Variants in RC3H1 observed in about 807,000 individuals in gnomAD.
RC3H1 encodes ring finger and CCCH-type domains 1.
RC3H1 carries 50 observed loss-of-function variants against 138.2 expected under a neutral mutation model. That is an observed-to-expected ratio of 0.36 (90% CI 0.29 to 0.46). The LOEUF is 0.46. RC3H1 is among the 20% of genes least tolerant of loss of function. The probability of loss-of-function intolerance (pLI) is 1.00; values close to 1 mark genes in which losing one functional copy is unlikely to be tolerated. For synonymous variants in RC3H1, 462 were observed against 489.1 expected (o/e 0.94, Z 0.73); for missense variants, 1,031 against 1,388.1 (o/e 0.74, Z 4.09).
chr1:174,017,448 A>G (rs1045286571), intron 1 of RC3H1, among the ~76,000 whole-genome samples: 13 of 152,170 alleles, frequency 8.5e-5, no homozygotes, highest in African/African-American at 3.1e-4. Context: ...TTTTATTCCT[A>G]ACAATCACAT....
intron 9 of RC3H1, among the ~76,000 whole-genome samples, chr1:173,968,408 A>G (rs897495950): frequency 2.0e-5 from 3 of 152,186 alleles, no homozygotes; most frequent in African/African-American, 7.2e-5. Flanking sequence ...TATTTACTCA[A>G]TATTTCTCTT....
intron 7 of RC3H1, among the ~76,000 whole-genome samples, chr1:173,976,722 C>T (rs2102990290): frequency 6.6e-6 from 1 of 152,084 alleles, no homozygotes; most frequent in East Asian, 1.9e-4. Context: ...GGACAGCAGT[C>T]AGGGAAAAAA....
chr1:174,016,329 T>G (rs181375656), intron 1 of RC3H1: 1 of 152,022 alleles, frequency 6.6e-6, no homozygotes, highest in Admixed American at 6.5e-5. Context: ...AAAGTTGACA[T>G]TTTCCTGAAA....
chr1:173,975,250 C>T (rs542385933), intron 7 of RC3H1, among the ~76,000 whole-genome samples: 55 of 152,192 alleles, frequency 3.6e-4, no homozygotes, highest in African/African-American at 1.2e-3. Context: ...TGCCTGCCAC[C>T]ACGCCCAGCT....
At chr1:173,945,852 T>G (rs1468875312) in intron 17 of RC3H1, among the ~76,000 whole-genome samples, 1 of 151,740 alleles carries the variant, frequency 6.6e-6, no homozygotes, top group African/African-American at 2.4e-5. Flanking sequence ...GGATTACAGG[T>G]GCACACCACC....
chr1:173,939,161 T>C (rs1041684895), intron 19 of RC3H1, among the ~76,000 whole-genome samples: 6 of 152,114 alleles, frequency 3.9e-5, no homozygotes, highest in South Asian at 2.1e-4. Context: ...GAGTTGAGAA[T>C]TGCGACAAAA....
At chr1:174,015,451 C>T (rs1024742110) in intron 1 of RC3H1, among the ~76,000 whole-genome samples, 3 of 151,740 alleles carry the variant, frequency 2.0e-5, no homozygotes, top group African/African-American at 4.8e-5. Context: ...CAACCTCCTC[C>T]GCCTCCTGGG....
At chr1:174,014,073 T>A (rs1210531835) in intron 1 of RC3H1, among the ~76,000 whole-genome samples, 2 of 152,082 alleles carry the variant, frequency 1.3e-5, no homozygotes, top group African/African-American at 4.8e-5. Context: ...GAGGCAGAGA[T>A]GAGTAAGTGG....
At position 173,946,475 on chromosome 1, in the gene RC3H1, C is replaced by T. The variant is rs1319201750; in HGVS notation, c.2961+1G>A. ...AATAAAATGGCTCTCTAGGCTGGTA[C>T]CTCTAGTCCACGTAGCTGGGTCTGC... On this transcript the variant is annotated splice_donor_variant, in intron 17 of 19. Transcript: ENST00000367696. LOFTEE classifies it high-confidence loss of function. 6.2e-7 allele frequency: 1 copy of T among 1,613,088 alleles called. No homozygotes were observed. The highest frequency in any genetic ancestry group is 8.5e-7 in the Non-Finnish European group (1 of 1,179,726).
Position 173,934,529 on chromosome 1 carries a change from G to A in RC3H1, c.*4192C>T, listed in dbSNP as rs1389497021. 6.6e-6 allele frequency: 1 copy of A among 152,114 alleles called. No homozygotes were observed. Among genetic ancestry groups the A allele is most frequent in the Non-Finnish European group, 1.5e-5 (1 of 68,026 alleles). The allele number at this position is 152,114 out of a possible 1,614,324, so 9.4% of individuals were successfully genotyped here. ...ACTAAAAGGTTTCATGATCAAAATG[G>A]CTACTACTTCCCCCAAAACCAAAAC... On this transcript the variant is annotated 3_prime_UTR_variant, in exon 20 of 20. Coordinates refer to ENST00000367696, the MANE Select transcript of RC3H1 (RefSeq NM_172071.4).
At chr1:173,956,929 G>T (rs1192516814) in intron 13 of RC3H1, among the ~76,000 whole-genome samples, 2 of 151,584 alleles carry the variant, frequency 1.3e-5, no homozygotes, top group Non-Finnish European at 2.9e-5. Flanking sequence ...TTAAATTTTT[G>T]TTGAGAACGA....
At position 173,961,159 on chromosome 1, in the gene RC3H1, G is replaced by A; in HGVS notation, c.2288C>T (p.Ala763Val). 6.2e-7 allele frequency: 1 copy of A among 1,613,810 alleles called. No individual in the cohort carries two copies. The highest frequency in any genetic ancestry group is 8.5e-7 in the Non-Finnish European group (1 of 1,179,874). ...GATAACCTTTCTTTCCTCTAGCTGG[G>A]CCATTATTTCCTTTCGTCGGCGATG... is the stretch of plus-strand genomic sequence containing the variant. ...ELHRRRKEIM[A>V]QLEERKVISP... is the part of the protein sequence containing the mutation. Residue 763 changes from alanine to valine, a missense_variant, in exon 13 of 20, where the codon GCC (alanine) becomes GTC (valine). By Grantham distance (64) the Ala-to-Val change is moderately conservative. Coordinates refer to ENST00000367696, the MANE Select transcript of RC3H1 (RefSeq NM_172071.4).
At position 173,936,730 on chromosome 1, in the gene RC3H1, CATATATATATAT is replaced by C. The variant is rs1210669077; in HGVS notation, c.*1979_*1990del. 7.1e-4 allele frequency: 33 copies of C among 46,788 alleles called. No individual in the cohort carries two copies. Among genetic ancestry groups the C allele is most frequent in the African/African-American group, 2.4e-3 (25 of 10,304 alleles). The allele number at this position is 46,788 out of a possible 1,614,324, so 2.9% of individuals were successfully genotyped here. A position where few individuals can be genotyped will look rare whatever the true frequency, so the allele number is the denominator to read the frequency against. The stretch of plus-strand genomic sequence containing the variant: ...AGCCAAAAAAAAAAGAAAAAGCATA[CATATATATATAT>C]ATATATATATATATATATATTTTTT... On this transcript the variant is annotated 3_prime_UTR_variant, in exon 20 of 20. Coordinates refer to ENST00000367696, the MANE Select transcript of RC3H1 (RefSeq NM_172071.4).
At chr1:173,966,186 C>A (rs908411923) in intron 9 of RC3H1, among the ~76,000 whole-genome samples, 2 of 152,070 alleles carry the variant, frequency 1.3e-5, no homozygotes, top group South Asian at 4.1e-4. Flanking sequence ...ATTAGAACTG[C>A]TTCAGAGATG....
rs564556533 is a variant in RC3H1, at chr1:173,961,318, A to G, written c.2203-74T>C. 3.7e-6 allele frequency: 5 copies of G among 1,355,250 alleles called. No individual in the cohort carries two copies. In the East Asian group the frequency reaches 9.3e-5, roughly 25 times the overall value. 84.0% of individuals were successfully genotyped at this position (1,355,250 alleles called of 1,614,324 possible). A position where few individuals can be genotyped will look rare whatever the true frequency, so the allele number is the denominator to read the frequency against. ...TTAATTCATTTAATATACTCAGCGT[A>G]TATTTTAAGTTATGAAACAGCTTGT... is the stretch of plus-strand genomic sequence containing the variant. On this transcript the variant is annotated intron_variant, in intron 12 of 19. Coordinates refer to ENST00000367696, the MANE Select transcript of RC3H1 (RefSeq NM_172071.4).
intron 7 of RC3H1, among the ~76,000 whole-genome samples, chr1:173,975,252 C>T (rs561914084): frequency 1.2e-4 from 18 of 152,184 alleles, no homozygotes; most frequent in Admixed American, 9.8e-4. Context: ...CCTGCCACCA[C>T]GCCCAGCTAG....
intron 4 of RC3H1, 107 bp from the exon 5 acceptor site, chr1:173,983,009 G>T: frequency 2.1e-6 from 2 of 970,672 alleles, no homozygotes; most frequent in Non-Finnish European, 3.0e-6. Context: ...CAATTAACTG[G>T]CAATACAGTT....
intron 7 of RC3H1, among the ~76,000 whole-genome samples, chr1:173,974,256 G>A (rs1660481294): frequency 7.9e-6 from 1 of 126,356 alleles, no homozygotes; most frequent in Admixed American, 9.1e-5. Flanking sequence ...CTCCAGCCTG[G>A]TCAATAGAGG....
intron 14 of RC3H1, among the ~76,000 whole-genome samples, chr1:173,949,759 G>C (rs6698123): frequency 0.29 from 44,013 of 152,188 alleles, 11,387 homozygotes; most frequent in African/African-American, 0.7. Flanking sequence ...ATACCTAACA[G>C]TGAAAGATCA....
Sources: allele counts gnomAD v4.1 joint callset (sites outside exome capture counted in the v4.1 genomes callset), GRCh38; gene constraint gnomAD v4.1.1; transcripts MANE v1.5; gene names NCBI Gene and HGNC (gene_info 2026-07-23, HGNC 2026-07-21).